Variants in UPP2 observed in about 807,000 individuals in gnomAD.
UPP2 encodes UPase 2.
A neutral mutation model predicts 26.7 loss-of-function variants in UPP2; 23 were observed. The observed-to-expected ratio is 0.86, with a 90% CI of 0.62 to 1.22. The LOEUF is 1.22. Among genes scored for constraint, UPP2 ranks in the 50% most tolerant of loss-of-function variants. The probability of loss-of-function intolerance (pLI) is 0.00; values close to 1 mark genes in which losing one functional copy is unlikely to be tolerated. For missense variants in UPP2, 387 were observed against 396.7 expected, an observed-to-expected ratio of 0.98 and a Z score of 0.21; for synonymous variants, 127 against 141.3, an observed-to-expected ratio of 0.90 and a Z score of 0.72.
chr2:158,064,678 A>C (rs962620025), intron 3 of UPP2, among the ~76,000 whole-genome samples: 26 of 152,168 alleles, frequency 1.7e-4, no homozygotes, highest in African/African-American at 6.0e-4. Context: ...TATGTCCTGA[A>C]TGGTATTGCC....
intron 3 of UPP2, among the ~76,000 whole-genome samples, chr2:158,045,323 G>C (rs1349010495): frequency 1.3e-5 from 2 of 152,182 alleles, no homozygotes; most frequent in African/African-American, 2.4e-5. Context: ...TGCAGGCGAA[G>C]ACAAGGAAAA....
At chr2:158,090,467 C>T (rs188927813) in intron 3 of UPP2, among the ~76,000 whole-genome samples, 20 of 152,278 alleles carry the variant, frequency 1.3e-4, no homozygotes, top group African/African-American at 4.6e-4. Context: ...TGCCACTGCA[C>T]TCCAGCCTGG....
intron 3 of UPP2, among the ~76,000 whole-genome samples, chr2:158,088,889 G>C (rs1019696294): frequency 1.3e-5 from 2 of 152,204 alleles, no homozygotes; most frequent in African/African-American, 4.8e-5. Context: ...AGGTGGCAGG[G>C]GAGTGAAGTG....
chr2:158,080,843 C>T (rs1384983906), intron 3 of UPP2, among the ~76,000 whole-genome samples: 1 of 152,266 alleles, frequency 6.6e-6, no homozygotes, highest in Admixed American at 6.5e-5. Context: ...GCTCTCTGAT[C>T]CCCTGACCTT....
chr2:158,116,804 G>T lies in UPP2; in HGVS notation c.340-1020G>T, dbSNP rs528301322. ...GAGCCAGTTCCAAAGTCCTAAACTT[G>T]TTAATCTTGGATATACAAATCAATA... On this transcript the variant is annotated intron_variant, in intron 3 of 6. Coordinates refer to ENST00000005756, the MANE Select transcript of UPP2 (RefSeq NM_173355.4). Among the ~76,000 whole-genome samples, 37 of 152,290 alleles carry T rather than the reference G, an allele frequency of 2.4e-4. No homozygotes were observed. In the South Asian group the frequency reaches 7.5e-3, roughly 31 times the overall value.
At chr2:158,116,367 A>T (rs1455790100) in intron 3 of UPP2, among the ~76,000 whole-genome samples, 1 of 152,230 alleles carries the variant, frequency 6.6e-6, no homozygotes, top group Admixed American at 6.5e-5. Context: ...AGAAGGACAA[A>T]AAAGTAAGTT....
chr2:158,059,313 G>A (rs1338022962), intron 3 of UPP2, among the ~76,000 whole-genome samples: 1 of 152,182 alleles, frequency 6.6e-6, no homozygotes, highest in Admixed American at 6.5e-5. Context: ...CCAAGCTAGT[G>A]CCTCAGACAG....
rs148044162 is a variant in UPP2 at position 158,108,622 on chromosome 2, C to T, written c.180+2406C>T. On this transcript the variant is annotated intron_variant, in intron 2 of 6. Coordinates refer to ENST00000005756, the MANE Select transcript of UPP2 (RefSeq NM_173355.4). ...ACACACACAGACACACACACACATA[C>T]GCACACACACATAGTTGTCTCATCT... 3.8e-3 allele frequency among the ~76,000 whole-genome samples: 575 copies of T among 151,790 alleles called. 7 individuals are homozygous for T. Among genetic ancestry groups the T allele is most frequent in the African/African-American group, 0.012 (499 of 41,374 alleles).
chr2:158,050,127 C>T (rs918949049), intron 3 of UPP2, among the ~76,000 whole-genome samples: 1 of 152,142 alleles, frequency 6.6e-6, no homozygotes, highest in Non-Finnish European at 1.5e-5. Context: ...ATGCTTAATT[C>T]CTGATACAGA....
intron 3 of UPP2, among the ~76,000 whole-genome samples, chr2:158,029,121 C>G (rs567711008): frequency 2.6e-4 from 40 of 152,288 alleles, no homozygotes; most frequent in Non-Finnish European, 5.3e-4. Context: ...AACAAGACAT[C>G]ATTGTAAGTC....
chr2:158,055,150 A>G (rs1682226811), intron 3 of UPP2, among the ~76,000 whole-genome samples: 1 of 152,230 alleles, frequency 6.6e-6, no homozygotes, highest in South Asian at 2.1e-4. Flanking sequence ...GAAGGGTCGC[A>G]TCTGGTGAGA....
At chr2:158,077,225 C>T (rs528160235) in intron 3 of UPP2, among the ~76,000 whole-genome samples, 1 of 151,352 alleles carries the variant, frequency 6.6e-6, no homozygotes, top group South Asian at 2.1e-4. Context: ...TGTTAAATGT[C>T]CATACTATCT....
At chr2:158,005,513 G>A (rs1024203453) in intron 2 of UPP2, among the ~76,000 whole-genome samples, 1 of 152,130 alleles carries the variant, frequency 6.6e-6, no homozygotes, top group Non-Finnish European at 1.5e-5. Context: ...TCAGAATCAG[G>A]GTGGGAAACA....
intron 4 of UPP2, among the ~76,000 whole-genome samples, chr2:158,119,950 G>T (rs1007179050): frequency 7.3e-5 from 11 of 151,252 alleles, no homozygotes; most frequent in African/African-American, 2.4e-4. Flanking sequence ...GGCAGAGACT[G>T]CAGTGAGCTG....
chr2:158,105,450 A>G (rs1667060480), intron 1 of UPP2, among the ~76,000 whole-genome samples: 1 of 152,200 alleles, frequency 6.6e-6, no homozygotes, highest in Non-Finnish European at 1.5e-5. Context: ...TTGTCCATAG[A>G]CCATCAACAT....
intron 2 of UPP2, among the ~76,000 whole-genome samples, chr2:158,008,569 C>G (rs1683529112): frequency 6.6e-6 from 1 of 152,106 alleles, no homozygotes; most frequent in African/African-American, 2.4e-5. Flanking sequence ...TCCCGTTTCC[C>G]TAAAGCTAAT....
chr2:158,045,319 C>T (rs945752533), intron 3 of UPP2, among the ~76,000 whole-genome samples: 1 of 152,028 alleles, frequency 6.6e-6, no homozygotes, highest in Non-Finnish European at 1.5e-5. Flanking sequence ...AAGATGCAGG[C>T]GAAGACAAGG....
rs34393954 is a variant in UPP2 at position 158,117,493 on chromosome 2, C to A, written c.340-331C>A. On this transcript the variant is annotated intron_variant, in intron 3 of 6. Transcript: ENST00000005756. ...AAAAAGCTCTTTTTCAAAGGCTCAT[C>A]ATGAAGAGCCCAGTGGGAAGATGGG... Among the ~76,000 whole-genome samples the A allele has an allele frequency of 4.5e-4, 68 of 152,058 alleles. 1 individual carries two copies. In the South Asian group the frequency reaches 0.012, roughly 26 times the overall value.
At chr2:158,090,364 G>C (rs1177053212) in intron 3 of UPP2, among the ~76,000 whole-genome samples, 3 of 152,120 alleles carry the variant, frequency 2.0e-5, no homozygotes, top group African/African-American at 7.2e-5. Flanking sequence ...AGCCAGGCGT[G>C]GTGGTGGGCA....
Sources: gnomAD v4.1 joint callset for allele counts (sites outside exome capture counted in the v4.1 genomes callset) on GRCh38, gnomAD v4.1.1 for gene constraint, MANE v1.5 for transcripts, NCBI Gene and HGNC (gene_info 2026-07-23, HGNC 2026-07-21) for gene names.